Variants in SLC36A2 observed in about 807,000 individuals in gnomAD.
The protein encoded by SLC36A2 is proton-coupled amino acid transporter 2.
SLC36A2 carries 39 observed loss-of-function variants against 42.7 expected under a neutral mutation model. That is an observed-to-expected ratio of 0.91 (90% CI 0.71 to 1.19). SLC36A2 has a LOEUF of 1.19. Among genes scored for constraint, SLC36A2 ranks in the 50% most tolerant of loss-of-function variants. The pLI is 0.00. For missense variants in SLC36A2, 590 were observed against 613.7 expected (o/e 0.96, Z 0.41); for synonymous variants, 237 against 240.8 (o/e 0.98, Z 0.15).
Position 151,317,086 on chromosome 5 carries a change from G to A in SLC36A2, c.1183C>T (p.Leu395Phe). 5 of 1,614,050 alleles carry A rather than the reference G, an allele frequency of 3.1e-6. No homozygotes were observed. Among genetic ancestry groups the A allele is most frequent in the Non-Finnish European group, 4.2e-6 (5 of 1,179,988 alleles). The change falls in exon 10 of 10, where the codon CTC becomes TTC. Residue 395 changes from leucine (L) to phenylalanine (F), a missense_variant and splice_region_variant. Leu to Phe is a conservative substitution (Grantham distance 22). Coordinates refer to ENST00000335244, the MANE Select transcript of SLC36A2 (RefSeq NM_181776.3). ...AGGCGGGGGATGAGGATGGCCAGGA[G>A]GCCTGCAGGGAGAGGATAGTGGAGA... ...IRLVMVCLTCLLAILIPRLDL... is the reference protein window; with the variant it reads ...IRLVMVCLTCFLAILIPRLDL...
intron 9 of SLC36A2, among the ~76,000 whole-genome samples, chr5:151,317,795 C>G (rs1368682005): frequency 6.6e-6 from 1 of 152,050 alleles, no homozygotes; most frequent in African/African-American, 2.4e-5. Context: ...AAAACTTTTC[C>G]CCTACCAACT....
intron 9 of SLC36A2, among the ~76,000 whole-genome samples, chr5:151,317,878 A>G (rs1755549471): frequency 6.6e-6 from 1 of 152,244 alleles, no homozygotes; most frequent in South Asian, 2.1e-4. Flanking sequence ...GACAAAGTGT[A>G]TATATAAGCT....
At chr5:151,335,650 G>C in intron 5 of SLC36A2, 103 bp from the exon 6 acceptor site, 1 of 866,308 alleles carries the variant, frequency 1.2e-6, no homozygotes, top group South Asian at 1.3e-5. Flanking sequence ...ACAGTGAATG[G>C]GAGTGTCCCA....
At chr5:151,320,406 AG>A (rs1172827639) in intron 9 of SLC36A2, among the ~76,000 whole-genome samples, 2 of 152,028 alleles carry the variant, frequency 1.3e-5, no homozygotes, top group African/African-American at 2.4e-5. Context: ...CAAAAAAAAA[AG>A]AATTTCCTAA....
At chr5:151,338,867 G>A (rs1333555917) in intron 5 of SLC36A2, 193 bp downstream of exon 5, 5 of 516,688 alleles carry the variant, frequency 9.7e-6, no homozygotes, top group African/African-American at 1.9e-5. Context: ...ACCGGATAAA[G>A]GGTATTGTGG....
chr5:151,337,217 C>T (rs569657503), intron 5 of SLC36A2, among the ~76,000 whole-genome samples: 88 of 152,266 alleles, frequency 5.8e-4, no homozygotes, highest in African/African-American at 2.0e-3. Flanking sequence ...ATTGCTTCTC[C>T]TGGGCAATCC....
chr5:151,328,354 T>TA (rs1002552702), intron 7 of SLC36A2, among the ~76,000 whole-genome samples: 2 of 152,198 alleles, frequency 1.3e-5, no homozygotes, highest in African/African-American at 4.8e-5. Context: ...GTCATGGTGG[T>TA]GAGTTTCCTG....
At chr5:151,324,656 G>A (rs1423244765) in intron 8 of SLC36A2, among the ~76,000 whole-genome samples, 1 of 151,890 alleles carries the variant, frequency 6.6e-6, no homozygotes, top group African/African-American at 2.4e-5. Context: ...TAAGAGATAG[G>A]GTCTCACTGT....
intron 6 of SLC36A2, among the ~76,000 whole-genome samples, chr5:151,334,547 C>A (rs781620841): frequency 6.6e-6 from 1 of 151,862 alleles, no homozygotes; most frequent in African/African-American, 2.4e-5. Context: ...AAAAATTAGC[C>A]GGGTGTGGTG....
intron 6 of SLC36A2, 148 bp from the exon 7 acceptor site, chr5:151,333,470 C>G (rs1756053776): frequency 1.4e-6 from 1 of 695,170 alleles, no homozygotes; most frequent in African/African-American, 1.8e-5. Flanking sequence ...AGGCCACGAT[C>G]AAAGTTGATT....
chr5:151,335,882 G>T (rs1163862398), intron 5 of SLC36A2, among the ~76,000 whole-genome samples: 1 of 151,938 alleles, frequency 6.6e-6, no homozygotes, highest in Non-Finnish European at 1.5e-5. Flanking sequence ...ACAAAAATTA[G>T]CCAGGTGTGG....
rs10068519 is a variant in SLC36A2, at chr5:151,345,911, C to G, written c.164+1386G>C. On this transcript the variant is annotated intron_variant, in intron 1 of 9. Coordinates refer to ENST00000335244, the MANE Select transcript of SLC36A2 (RefSeq NM_181776.3). ...CTGGGGTATTTATGCTCAAATCTCC[C>G]AGGAGGAGAGAACTATCATTGACAG... 5.9e-5 allele frequency among the ~76,000 whole-genome samples: 9 copies of G among 152,156 alleles called. No individual in the cohort carries two copies. The East Asian group carries it at 1.7e-3, about 29-fold the overall frequency.
intron 1 of SLC36A2, 77 bp from the exon 2 acceptor site, chr5:151,344,344 C>T: frequency 3.2e-6 from 4 of 1,238,132 alleles, no homozygotes; most frequent in Admixed American, 1.9e-5. Context: ...TTGCAGCATG[C>T]CAGCACCTGA....
chr5:151,317,948 A>G (rs1224125269), intron 9 of SLC36A2, among the ~76,000 whole-genome samples: 1 of 152,196 alleles, frequency 6.6e-6, no homozygotes, highest in Non-Finnish European at 1.5e-5. Context: ...TAATAAGGGG[A>G]AAAGGAGGGA....
In SLC36A2 at chr5:151,335,643, G is replaced by A. The variant is rs7721673; in HGVS notation, c.526-96C>T. On this transcript the variant is annotated intron_variant, in intron 5 of 9. Transcript: ENST00000335244. ...TTGCCCCTAATCAAATTCCCTCACA[G>A]TGAATGGGAGTGTCCCACAGTGCCA... 71,294 of 886,412 alleles carry A rather than the reference G, an allele frequency of 0.08. 12,303 individuals carry two copies. Among genetic ancestry groups the A allele is most frequent in the African/African-American group, 0.6 (36,929 of 61,064 alleles). 54.9% of individuals were successfully genotyped at this position (886,412 alleles called of 1,614,324 possible).
At chr5:151,322,677 C>T (rs1407733166) in intron 8 of SLC36A2, among the ~76,000 whole-genome samples, 1 of 152,190 alleles carries the variant, frequency 6.6e-6, no homozygotes, top group Non-Finnish European at 1.5e-5. Context: ...AGGCACATAA[C>T]TGTTGCCTCT....
Position 151,334,864 on chromosome 5 carries a change from C to CTTATG in SLC36A2, c.744+460_744+464dup, listed in dbSNP as rs534619681. ...TTAGTAACAAGACACTTATTGAAAG[C>CTTATG]TTATGGTTTTTGAGACTCTCTATGT... On this transcript the variant is annotated intron_variant, in intron 6 of 9. Coordinates refer to ENST00000335244, the MANE Select transcript of SLC36A2 (RefSeq NM_181776.3). 4.8e-3 allele frequency among the ~76,000 whole-genome samples: 727 copies of CTTATG among 151,768 alleles called. 4 individuals are homozygous for CTTATG. The highest frequency in any genetic ancestry group is 0.017 in the African/African-American group (695 of 41,370).
At chr5:151,332,628 G>T (rs933091973) in intron 7 of SLC36A2, 1 of 279,794 alleles carries the variant, frequency 3.6e-6, no homozygotes, top group Non-Finnish European at 7.1e-6. Flanking sequence ...CATACATACT[G>T]TATGATCCCA....
intron 9 of SLC36A2, among the ~76,000 whole-genome samples, chr5:151,320,695 AG>A (rs1420612836): frequency 6.6e-6 from 1 of 152,230 alleles, no homozygotes; most frequent in Non-Finnish European, 1.5e-5. Context: ...CCAGGGGTCA[AG>A]GAGCCCCAGC....
Sources: gnomAD v4.1 joint callset for allele counts (sites outside exome capture counted in the v4.1 genomes callset) on GRCh38, gnomAD v4.1.1 for gene constraint, MANE v1.5 for transcripts, NCBI Gene and HGNC (gene_info 2026-07-23, HGNC 2026-07-21) for gene names.